The following RMC1 variants were observed in gnomAD, a reference collection of about 807,000 sequenced individuals.
RMC1 encodes the protein regulator of MON1-CCZ1, also known as regulator of MON1-CCZ1 complex.
Under a neutral mutation model 95.5 loss-of-function variants are expected in RMC1, and 44 were observed. The ratio of observed to expected loss-of-function variants is 0.46; its 90% CI spans 0.36 to 0.59. The LOEUF (loss-of-function observed/expected upper bound fraction) is 0.59. Among genes scored for constraint, RMC1 ranks in the 20% least tolerant of loss-of-function variants. RMC1 has a pLI of 0.00. For synonymous variants in RMC1, 320 were observed against 303.6 expected (o/e 1.05, Z -0.56); for missense variants, 705 against 819.6 (o/e 0.86, Z 1.71).
At chr18:23,503,781 G>A in intron 1 of RMC1, 61 bp downstream of exon 1, 2 of 1,414,738 alleles carry the variant, frequency 1.4e-6, no homozygotes, top group Non-Finnish European at 1.9e-6. Flanking sequence ...GCGCGCCAAG[G>A]CCGGTCCCGC....
intron 6 of RMC1, 28 bp downstream of exon 6, chr18:23,516,024 C>A (rs2057992924): frequency 5.6e-6 from 9 of 1,613,784 alleles, no homozygotes; most frequent in Non-Finnish European, 6.8e-6. Context: ...CTGAAAAAAA[C>A]ACCTTTCCCC....
intron 7 of RMC1, among the ~76,000 whole-genome samples, chr18:23,518,317 C>G (rs1268995288): frequency 6.6e-6 from 1 of 152,014 alleles, no homozygotes; most frequent in Non-Finnish European, 1.5e-5. Flanking sequence ...ATAGTGAGAC[C>G]CTGTTTCTAC....
Position 23,509,225 on chromosome 18 carries a change from G to T in RMC1, c.354G>T (p.Trp118Cys). Residue 118 changes from tryptophan (W) to cysteine (C), a missense_variant, in exon 5 of 20, where the codon TGG (tryptophan) becomes TGT (cysteine). By Grantham distance (215) the Trp-to-Cys change is radical. Transcript: ENST00000269221. ...ATGCCAACATTCTAGGATTCTGCTGGACTAGTTCAACTGAAATTGTCTTCA... is the reference window on the plus strand; with the variant it reads ...ATGCCAACATTCTAGGATTCTGCTGTACTAGTTCAACTGAAATTGTCTTCA... ...TKNANILGFC[W>C]TSSTEIVFIT... The T allele has an allele frequency of 6.8e-7, 1 of 1,463,972 alleles. No individual in the cohort carries two copies. The highest frequency in any genetic ancestry group is 1.6e-5 in the South Asian group (1 of 61,636). The allele number at this position is 1,463,972 out of a possible 1,614,324, so 90.7% of individuals were successfully genotyped here. A position where few individuals can be genotyped will look rare whatever the true frequency, so the allele number is the denominator to read the frequency against.
At chr18:23,529,128 A>G (rs781522357) in intron 14 of RMC1, 51 bp from the exon 15 acceptor site, 1 of 1,588,732 alleles carries the variant, frequency 6.3e-7, no homozygotes, top group East Asian at 2.2e-5. Flanking sequence ...TGTAAACAGC[A>G]CCCTTCCTCT....
chr18:23,503,801 C>A (rs2057650464), intron 1 of RMC1, 81 bp downstream of exon 1: 2 of 1,184,006 alleles, frequency 1.7e-6, no homozygotes, highest in South Asian at 1.6e-5. Flanking sequence ...CGCGACCAGG[C>A]CCGAGCGTCC....
At chr18:23,521,207 A>T (rs2058133560) in intron 10 of RMC1, among the ~76,000 whole-genome samples, 1 of 152,196 alleles carries the variant, frequency 6.6e-6, no homozygotes, top group South Asian at 2.1e-4. Flanking sequence ...AGCTAAAATT[A>T]TGTTGTGAAA....
intron 10 of RMC1, among the ~76,000 whole-genome samples, chr18:23,520,860 C>T (rs1162459891): frequency 4.6e-5 from 7 of 152,094 alleles, no homozygotes; most frequent in Non-Finnish European, 2.9e-5. Flanking sequence ...GGATTACAGG[C>T]GTGCACCACC....
Position 23,527,752 on chromosome 18 carries a change from A to G in RMC1, c.1190-43A>G, listed in dbSNP as rs189340654. 6.0e-5 allele frequency: 89 copies of G among 1,489,978 alleles called. No individual in the cohort carries two copies. The African/African-American group carries it at 1.1e-3, about 18-fold the overall frequency. 92.3% of individuals were successfully genotyped at this position (1,489,978 alleles called of 1,614,324 possible). Reference sequence around the variant, plus strand: ...AACGTGTGGAAATTCTGAAGCTGACATGAAGTTGGTTTGATCCGTGTGTGA... The same window carrying G: ...AACGTGTGGAAATTCTGAAGCTGACGTGAAGTTGGTTTGATCCGTGTGTGA... On this transcript the variant is annotated intron_variant, in intron 13 of 19. Coordinates refer to ENST00000269221, the MANE Select transcript of RMC1 (RefSeq NM_013326.5).
chr18:23,513,817 G>A (rs1053714975), intron 5 of RMC1, among the ~76,000 whole-genome samples: 1 of 152,204 alleles, frequency 6.6e-6, no homozygotes, highest in Non-Finnish European at 1.5e-5. Context: ...TGGCCACTTT[G>A]TGTATCATCT....
intron 14 of RMC1, 133 bp from the exon 15 acceptor site, chr18:23,529,046 A>G (rs2058398242): frequency 6.3e-6 from 9 of 1,418,870 alleles, no homozygotes; most frequent in Non-Finnish European, 8.5e-6. Flanking sequence ...AAAAAGTTGT[A>G]TCTAAGTAGA....
intron 2 of RMC1, among the ~76,000 whole-genome samples, chr18:23,505,077 AG>A (rs2057679257): frequency 6.6e-6 from 1 of 151,966 alleles, no homozygotes; most frequent in South Asian, 2.1e-4. Context: ...TCCTTTTTTG[AG>A]AGGGAGCCTC....
intron 3 of RMC1, among the ~76,000 whole-genome samples, chr18:23,507,493 ATC>A (rs754914127): frequency 7.2e-5 from 11 of 152,182 alleles, no homozygotes; most frequent in Non-Finnish European, 1.3e-4. Context: ...TAGCCTTTTC[ATC>A]TCTCATTTCT....
chr18:23,522,515 G>A (rs931330017), intron 10 of RMC1: 4 of 152,192 alleles, frequency 2.6e-5, no homozygotes, highest in African/African-American at 9.7e-5. Context: ...TATTGTTAGT[G>A]TTAGTGTATT....
intron 12 of RMC1, among the ~76,000 whole-genome samples, chr18:23,526,189 T>C (rs1242701777): frequency 6.6e-6 from 1 of 152,252 alleles, no homozygotes. Context: ...TGAGTTATGA[T>C]GTTCCATTGA....
chr18:23,509,051 G>T (rs1434928134), intron 4 of RMC1, 142 bp from the exon 5 acceptor site: 1 of 341,992 alleles, frequency 2.9e-6, no homozygotes, highest in Non-Finnish European at 5.3e-6. Flanking sequence ...GTATTTAAAA[G>T]AAAATTTGTT....
chr18:23,518,393 G>A (rs1218078124), intron 7 of RMC1, among the ~76,000 whole-genome samples: 4 of 152,152 alleles, frequency 2.6e-5, no homozygotes, highest in Middle Eastern at 3.2e-3. Context: ...TGGGGAGGCT[G>A]AGGTGAGGGA....
Position 23,529,693 on chromosome 18 carries a change from A to G in RMC1, c.1475A>G (p.Gln492Arg). 2 of 1,614,062 alleles carry G rather than the reference A, an allele frequency of 1.2e-6. No homozygotes were observed. The highest frequency in any genetic ancestry group is 1.7e-6 in the Non-Finnish European group (2 of 1,179,930). Residue 492 changes from glutamine (Q) to arginine (R), a missense_variant, in exon 16 of 20, where the codon CAG becomes CGG. Physicochemically the swap from Gln to Arg is conservative, Grantham distance 43 (BLOSUM62 1). Coordinates refer to ENST00000269221, the MANE Select transcript of RMC1 (RefSeq NM_013326.5). ...VLMEYIRSLN[Q>R]FQIAVQHYLH... ...ATGGAATACATTCGTTCTCTTAACCAGTTTCAGATTGCAGTACAGGTACCT... is the reference window on the plus strand; with the variant it reads ...ATGGAATACATTCGTTCTCTTAACCGGTTTCAGATTGCAGTACAGGTACCT...
rs769433964 is a variant in RMC1, at chr18:23,509,325, G to A, written c.408+46G>A. On this transcript the variant is annotated intron_variant, in intron 5 of 19. Coordinates refer to ENST00000269221, the MANE Select transcript of RMC1 (RefSeq NM_013326.5). Reference sequence around the variant, plus strand: ...GTTTGTTGGTTAAAGTTCAGTGATAGCATTCTGGCAGCCTTTTGAATTCAG... The same window carrying A: ...GTTTGTTGGTTAAAGTTCAGTGATAACATTCTGGCAGCCTTTTGAATTCAG... 2.3e-5 allele frequency: 21 copies of A among 910,310 alleles called. No individual in the cohort carries two copies. In the East Asian group the frequency reaches 6.3e-4, roughly 27 times the overall value. The allele number at this position is 910,310 out of a possible 1,614,324, so 56.4% of individuals were successfully genotyped here.
chr18:23,505,146 C>T (rs780505428), intron 2 of RMC1, among the ~76,000 whole-genome samples: 9 of 152,188 alleles, frequency 5.9e-5, no homozygotes, highest in Non-Finnish European at 1.2e-4. Context: ...CAACCTCCGC[C>T]TCCCAGGTTC....
Sources: allele counts gnomAD v4.1 joint callset (sites outside exome capture counted in the v4.1 genomes callset), GRCh38; gene constraint gnomAD v4.1.1; transcripts MANE v1.5; gene names NCBI Gene and HGNC (gene_info 2026-07-23, HGNC 2026-07-21).